PHF8: variants seen among roughly 807,000 people sequenced by gnomAD.
PHF8 encodes PHD finger protein 8, also known as histone lysine demethylase PHF8.
In PHF8, 9 loss-of-function variants were observed where a neutral mutation model predicts 74.4. That is an observed-to-expected ratio of 0.12 (90% CI 0.07 to 0.21). The LOEUF (loss-of-function observed/expected upper bound fraction) is 0.21, where lower values mean the gene tolerates loss of function less well. PHF8 is among the 10% of genes least tolerant of loss of function. The probability of loss-of-function intolerance (pLI) is 1.00; values close to 1 mark genes in which losing one functional copy is unlikely to be tolerated. For missense variants in PHF8, 478 were observed against 816.6 expected (o/e 0.59, Z 5.05); for synonymous variants, 311 against 316.6 (o/e 0.98, Z 0.19).
At chrX:54,023,230 G>A (rs2066207383) in intron 2 of PHF8, among the ~76,000 whole-genome samples, 2 of 111,174 alleles carry the variant, frequency 1.8e-5, no homozygotes, top group South Asian at 3.8e-4. Flanking sequence ...ACCTGCCTCT[G>A]CCTCCCGAAG....
chrX:54,013,311 CA>C (rs1390874537), intron 7 of PHF8, among the ~76,000 whole-genome samples: 26 of 111,471 alleles, frequency 2.3e-4, no homozygotes, highest in African/African-American at 8.5e-4. Flanking sequence ...ACTTCTCATA[CA>C]GGTTTTATCT....
intron 2 of PHF8, 140 bp from the exon 3 acceptor site, chrX:54,022,983 T>A: frequency 6.5e-6 from 3 of 462,492 alleles, no homozygotes; most frequent in Non-Finnish European, 1.1e-5. Flanking sequence ...AAATTTAAAA[T>A]TTCAAGCGCT....
intron 19 of PHF8, among the ~76,000 whole-genome samples, chrX:53,945,519 TAATAATAATAA>T (rs2064821516): frequency 9.1e-6 from 1 of 109,883 alleles, no homozygotes; most frequent in South Asian, 3.9e-4. Context: ...CAAAAAATAA[TAATAATAATAA>T]AATAATAATA....
chrX:53,989,971 T>G (rs987077293), intron 14 of PHF8, among the ~76,000 whole-genome samples: 1 of 111,714 alleles, frequency 9.0e-6, no homozygotes, highest in Non-Finnish European at 1.9e-5. Flanking sequence ...TAAGATAGAC[T>G]TTGACACAGA....
Position 54,042,688 on chromosome X carries a change from T to C in PHF8, c.41A>G (p.Tyr14Cys). 1 of 1,211,429 alleles carries C rather than the reference T, an allele frequency of 8.3e-7. No individual in the cohort carries two copies. The highest frequency in any genetic ancestry group is 1.1e-6 in the Non-Finnish European group (1 of 895,274). ...CTCGATCATGAAGCGGGTCACATCGTAAGGCAGCCGGCAGAGGCAATACAC... is the reference window on the plus strand; with the variant it reads ...CTCGATCATGAAGCGGGTCACATCGCAAGGCAGCCGGCAGAGGCAATACAC... ...VPVYCLCRLP[Y>C]DVTRFMIECD... Residue 14 changes from tyrosine (Y) to cysteine (C), a missense_variant, in exon 2 of 22, where the codon TAC (tyrosine) becomes TGC (cysteine). Coordinates refer to ENST00000338154, the MANE Select transcript of PHF8 (RefSeq NM_015107.3).
chrX:54,024,637 G>A (rs964347163), intron 2 of PHF8, among the ~76,000 whole-genome samples: 1 of 111,570 alleles, frequency 9.0e-6, no homozygotes, highest in South Asian at 3.8e-4. Context: ...CTTCTCCTAC[G>A]GGAAAATCAT....
In PHF8 at chrX:54,027,984, CCACA is replaced by C. The variant is rs782177087; in HGVS notation, c.99-5145_99-5142del. Among the ~76,000 whole-genome samples the C allele has an allele frequency of 2.5e-3, 237 of 96,393 alleles. 2 individuals are homozygous for C. Among genetic ancestry groups the C allele is most frequent in the Admixed American group, 7.7e-3 (68 of 8,825 alleles). 83.7% of individuals were successfully genotyped at this position (96,393 alleles called of 115,157 possible). A position where few individuals can be genotyped will look rare whatever the true frequency, so the allele number is the denominator to read the frequency against. ...ATGTGTGAATATATAACTATACACA[CCACA>C]CACACACACACACACACACACACAC... On this transcript the variant is annotated intron_variant, in intron 2 of 21. Transcript: ENST00000338154.
intron 2 of PHF8, among the ~76,000 whole-genome samples, chrX:54,034,780 C>T (rs1309461981): frequency 8.7e-5 from 9 of 103,154 alleles, no homozygotes; most frequent in Middle Eastern, 4.7e-3. Flanking sequence ...GCCGAGATCA[C>T]GCCACTGCAC....
At chrX:53,963,587 C>T (rs1290396732) in intron 18 of PHF8, among the ~76,000 whole-genome samples, 2 of 111,736 alleles carry the variant, frequency 1.8e-5, no homozygotes, top group Non-Finnish European at 3.8e-5. Flanking sequence ...TATGAACAGA[C>T]ACTTCTCAAA....
chrX:53,977,156 G>GA (rs1449125708), intron 18 of PHF8, among the ~76,000 whole-genome samples: 1 of 110,175 alleles, frequency 9.1e-6, no homozygotes, highest in Admixed American at 9.7e-5. Flanking sequence ...CCAACATGGT[G>GA]AAACCTCATC....
intron 19 of PHF8, among the ~76,000 whole-genome samples, chrX:53,961,269 C>T (rs184731333): frequency 1.1e-4 from 12 of 109,989 alleles, no homozygotes; most frequent in Admixed American, 9.8e-4. Context: ...GTGATCCACC[C>T]GCCTCAGCCT....
intron 2 of PHF8, among the ~76,000 whole-genome samples, chrX:54,030,795 T>A (rs978487850): frequency 8.9e-6 from 1 of 112,095 alleles, no homozygotes; most frequent in Non-Finnish European, 1.9e-5. Context: ...CCAAACTGCC[T>A]GGGTTTGAAT....
chrX:53,967,206 G>A lies in PHF8; in HGVS notation c.2444-4267C>T, dbSNP rs1479645966. On this transcript the variant is annotated intron_variant, in intron 18 of 21. Transcript: ENST00000338154. Reference sequence around the variant, plus strand: ...AGGTGAGGGGCGCCTCTGCCCGGCCGCCCCTACTGGGAAGTGAGGAGCCCC... The same window carrying A: ...AGGTGAGGGGCGCCTCTGCCCGGCCACCCCTACTGGGAAGTGAGGAGCCCC... Among the ~76,000 whole-genome samples, 8 of 92,684 alleles carry A rather than the reference G, an allele frequency of 8.6e-5. No individual in the cohort carries two copies. In the East Asian group the frequency reaches 1.1e-3, roughly 13 times the overall value. The allele number at this position is 92,684 out of a possible 115,157, so 80.5% of individuals were successfully genotyped here. A position where few individuals can be genotyped will look rare whatever the true frequency, so the allele number is the denominator to read the frequency against.
chrX:53,972,668 T>C (rs1205329595), intron 18 of PHF8, among the ~76,000 whole-genome samples: 1 of 111,235 alleles, frequency 9.0e-6, no homozygotes, highest in East Asian at 2.8e-4. Flanking sequence ...GAGCCATATA[T>C]GAAAAACCCA....
At chrX:53,988,242 A>G (rs1158093671) in intron 14 of PHF8, among the ~76,000 whole-genome samples, 1 of 112,158 alleles carries the variant, frequency 8.9e-6, no homozygotes, top group Non-Finnish European at 1.9e-5. Flanking sequence ...ACAGCAGTGG[A>G]AAAGAGTTCC....
At chrX:53,966,809 T>A (rs782654212) in intron 18 of PHF8, among the ~76,000 whole-genome samples, 1 of 95,010 alleles carries the variant, frequency 1.1e-5, no homozygotes, top group East Asian at 3.6e-4. Flanking sequence ...CCGGCCGCCA[T>A]CCCATCTAGG....
chrX:54,019,427 G>A (rs1202208274), intron 4 of PHF8, among the ~76,000 whole-genome samples: 1 of 109,434 alleles, frequency 9.1e-6, no homozygotes, highest in African/African-American at 3.3e-5. Context: ...TGCACCACCC[G>A]ACTCCAGCCT....
At chrX:54,034,668 C>A (rs1236585698) in intron 2 of PHF8, among the ~76,000 whole-genome samples, 1 of 109,350 alleles carries the variant, frequency 9.1e-6, no homozygotes, top group Non-Finnish European at 1.9e-5. Flanking sequence ...ACTAAAAATA[C>A]AAAAAATTAG....
intron 11 of PHF8, among the ~76,000 whole-genome samples, chrX:53,997,881 A>T (rs1325685958): frequency 9.0e-6 from 1 of 111,728 alleles, no homozygotes; most frequent in Non-Finnish European, 1.9e-5. Flanking sequence ...GAGCAAGGGA[A>T]GGCTCAAAAT....
Sources: allele counts gnomAD v4.1 joint callset (sites outside exome capture counted in the v4.1 genomes callset), GRCh38; gene constraint gnomAD v4.1.1; transcripts MANE v1.5; gene names NCBI Gene and HGNC (gene_info 2026-07-23, HGNC 2026-07-21).